The following SYNM variants were observed in gnomAD, a reference collection of about 807,000 sequenced individuals.
SYNM encodes desmuslin.
In SYNM, 95 loss-of-function variants were observed where a neutral mutation model predicts 104.0. The ratio of observed to expected loss-of-function variants is 0.91; its 90% CI spans 0.77 to 1.08. The LOEUF is 1.08. Ranked by LOEUF, SYNM falls within the 50% of genes least tolerant of loss-of-function variation. The pLI, the probability that SYNM is intolerant of heterozygous loss-of-function variation, is 0.00. For synonymous variants in SYNM, 918 were observed against 869.0 expected (o/e 1.06, Z -0.99); for missense variants, 2,150 against 2,052.2 (o/e 1.05, Z -0.92).
At position 99,132,418 on chromosome 15, in the gene SYNM, A is replaced by G. The variant is rs917706871; in HGVS notation, c.4058A>G (p.Gln1353Arg). Reference sequence around the variant, plus strand: ...GGAGAGGGCTCAGCAGATGTGCACCAGGCCACTCACAGTCATACCTCGGGT... The same window carrying G: ...GGAGAGGGCTCAGCAGATGTGCACCGGGCCACTCACAGTCATACCTCGGGT... ...VHGEGSADVH[Q>R]ATHSHTSGRQ... The change falls in exon 4 of 4, where the codon CAG becomes CGG. Residue 1353 changes from glutamine to arginine, a missense_variant. Physicochemically the swap from Gln to Arg is conservative, Grantham distance 43 (BLOSUM62 1). Coordinates refer to ENST00000336292, the MANE Select transcript of SYNM (RefSeq NM_145728.3). 1.5e-5 allele frequency: 24 copies of G among 1,614,032 alleles called. No individual in the cohort carries two copies. Among genetic ancestry groups the G allele is most frequent in the Non-Finnish European group, 2.0e-5 (24 of 1,179,888 alleles).
intron 1 of SYNM, among the ~76,000 whole-genome samples, chr15:99,107,322 A>G (rs1316265024): frequency 6.6e-6 from 1 of 152,214 alleles, no homozygotes; most frequent in Admixed American, 6.5e-5. Context: ...TGAGTTCCAC[A>G]GGTCCTATAC....
intron 3 of SYNM, chr15:99,128,703 C>T (rs2067469741): frequency 6.5e-6 from 1 of 153,036 alleles, no homozygotes; most frequent in African/African-American, 2.4e-5. Flanking sequence ...TGCAAACAGC[C>T]TGGAGCAAAG....
At position 99,113,672 on chromosome 15, in the gene SYNM, C is replaced by T. The variant is rs1047507935; in HGVS notation, c.892C>T (p.Leu298=). The T allele has an allele frequency of 3.7e-6, 6 of 1,613,446 alleles. No homozygotes were observed. In the African/African-American group the frequency reaches 6.7e-5, roughly 18 times the overall value. ...CTGGCTGCGGGACTATCAGGACCTCCTGCAGGTGAAGACCGGCCTCAGTCT... is the reference window on the plus strand; with the variant it reads ...CTGGCTGCGGGACTATCAGGACCTCTTGCAGGTGAAGACCGGCCTCAGTCT... ...ADWLRDYQDL[L]QVKTGLSLEV... Residue 298 remains leucine (L), a synonymous_variant, in exon 2 of 4, where the codon CTG becomes TTG. Coordinates refer to ENST00000336292, the MANE Select transcript of SYNM (RefSeq NM_145728.3).
chr15:99,130,676 G>C lies in SYNM; in HGVS notation c.2316G>C (p.Glu772Asp), dbSNP rs1208391591. ...EEFSVPFKVE[E>D]VEDVSPGPWG... ...TTTCCGTCCCATTCAAAGTGGAGGA[G>C]GTCGAAGATGTGTCGCCAGGCCCCT... Residue 772 changes from glutamate (E) to aspartate (D), a missense_variant, in exon 4 of 4, where the codon GAG becomes GAC. By Grantham distance (45) the Glu-to-Asp change is conservative. Coordinates refer to ENST00000336292, the MANE Select transcript of SYNM (RefSeq NM_145728.3). The C allele has an allele frequency of 1.2e-6, 2 of 1,613,914 alleles. No individual in the cohort carries two copies. Among genetic ancestry groups the C allele is most frequent in the Non-Finnish European group, 1.7e-6 (2 of 1,179,860 alleles).
chr15:99,107,757 A>G lies in SYNM; in HGVS notation c.810+1748A>G, dbSNP rs574359284. Reference sequence around the variant, plus strand: ...GAATCCTGTGCAGCCCTCCTTTGACACAGGGACTCCAGGGCCCACCGGGGA... The same window carrying G: ...GAATCCTGTGCAGCCCTCCTTTGACGCAGGGACTCCAGGGCCCACCGGGGA... On this transcript the variant is annotated intron_variant, in intron 1 of 3. Coordinates refer to ENST00000336292, the MANE Select transcript of SYNM (RefSeq NM_145728.3). Among the ~76,000 whole-genome samples the G allele has an allele frequency of 1.2e-4, 18 of 152,044 alleles. No homozygotes were observed. The East Asian group carries it at 2.7e-3, about 23-fold the overall frequency.
At position 99,131,085 on chromosome 15, in the gene SYNM, G is replaced by C. The variant is rs782655079; in HGVS notation, c.2725G>C (p.Glu909Gln). 4 of 1,604,404 alleles carry C rather than the reference G, an allele frequency of 2.5e-6. No individual in the cohort carries two copies. The highest frequency in any genetic ancestry group is 3.4e-6 in the Non-Finnish European group (4 of 1,175,298). ...GGACCTGGGTTCCACTCACTGGAAA[G>C]AACAAGCTAGAAGCGGTGAATTTCA... ...EGDLGSTHWK[E>Q]QARSGEFHAE... The change falls in exon 4 of 4, where the codon GAA (glutamate) becomes CAA (glutamine). Residue 909 changes from glutamate (E) to glutamine (Q), a missense_variant. Glu to Gln is a conservative substitution (Grantham distance 29). Coordinates refer to ENST00000336292, the MANE Select transcript of SYNM (RefSeq NM_145728.3). The surrounding 1 kb of genome is among the most constrained non-coding windows in gnomAD (Gnocchi z 4.3).
In SYNM at chr15:99,129,395, C is replaced by A. The variant is rs376683602; in HGVS notation, c.1035C>A (p.Thr345=). 1.2e-6 allele frequency: 2 copies of A among 1,613,810 alleles called. No homozygotes were observed. Among genetic ancestry groups the A allele is most frequent in the Non-Finnish European group, 1.7e-6 (2 of 1,179,862 alleles). The change falls in exon 4 of 4, where the codon ACC becomes ACA. Residue 345 remains threonine, a synonymous_variant. Transcript: ENST00000336292. ...SEFRNKSYHY[T]DSLLQRENER... ...TCAGAAACAAATCCTATCACTATAC[C>A]GACTCACTACTACAGAGGGAAAATG...
Position 99,130,584 on chromosome 15 carries a change from A to G in SYNM, c.2224A>G (p.Lys742Glu). 1 of 1,613,762 alleles carries G rather than the reference A, an allele frequency of 6.2e-7. No homozygotes were observed. The highest frequency in any genetic ancestry group is 1.1e-5 in the South Asian group (1 of 91,036). ...LGLKGREGRA[K>E]VVNVEIVEEP... ...CCTGAAAGGGAGGGAGGGGAGAGCAAAGGTCGTCAACGTGGAGATCGTGGA... is the reference window on the plus strand; with the variant it reads ...CCTGAAAGGGAGGGAGGGGAGAGCAGAGGTCGTCAACGTGGAGATCGTGGA... Residue 742 changes from lysine (K) to glutamate (E), a missense_variant, in exon 4 of 4, where the codon AAG becomes GAG. By Grantham distance (56) the Lys-to-Glu change is moderately conservative. Coordinates refer to ENST00000336292, the MANE Select transcript of SYNM (RefSeq NM_145728.3).
chr15:99,130,243 C>G lies in SYNM; in HGVS notation c.1883C>G (p.Ser628Cys), dbSNP rs376197280. ...TTGGGCACCAGTGATGCCACTGGTT[C>G]TCTGCAAGGCGATTCCATGACAGAA... ...FRLGTSDATGSLQGDSMTETV... is the reference protein window; with the variant it reads ...FRLGTSDATGCLQGDSMTETV... The change falls in exon 4 of 4, where the codon TCT becomes TGT. Residue 628 changes from serine to cysteine, a missense_variant. Transcript: ENST00000336292. The G allele has an allele frequency of 1.7e-5, 28 of 1,613,992 alleles. No homozygotes were observed. The African/African-American group carries it at 3.5e-4, about 20-fold the overall frequency.
At chr15:99,121,500 C>T (rs1260507083) in intron 2 of SYNM, among the ~76,000 whole-genome samples, 1 of 152,168 alleles carries the variant, frequency 6.6e-6, no homozygotes, top group African/African-American at 2.4e-5. Context: ...TCACTCGCTG[C>T]AGGCTAGCAC....
Position 99,131,347 on chromosome 15 carries a change from C to G in SYNM, c.2987C>G (p.Ser996Cys). The G allele has an allele frequency of 6.2e-7, 1 of 1,613,356 alleles. No homozygotes were observed. ...VKKVQGAGGS[S>C]VTLVAEVNVS... ...AAGGTCCAGGGTGCTGGTGGCAGTT[C>G]CGTGACCCTGGTTGCTGAAGTCAAC... Residue 996 changes from serine to cysteine, a missense_variant, in exon 4 of 4, where the codon TCC (serine) becomes TGC (cysteine). Coordinates refer to ENST00000336292, the MANE Select transcript of SYNM (RefSeq NM_145728.3). This position sits in a 1 kb window ranked among gnomAD's most constrained non-coding sequence, Gnocchi z 4.3.
rs1477318185 is a variant in SYNM, at chr15:99,134,874, G to C, written c.*1816G>C. On this transcript the variant is annotated 3_prime_UTR_variant, in exon 4 of 4. Transcript: ENST00000336292. ...CTGCCAAATGAACTAGTGATTGTCAGACTGGTATGGAGGTGACTGCTTTGT... is the reference window on the plus strand; with the variant it reads ...CTGCCAAATGAACTAGTGATTGTCACACTGGTATGGAGGTGACTGCTTTGT... 1 of 152,272 alleles carries C rather than the reference G, an allele frequency of 6.6e-6. No homozygotes were observed. 9.4% of individuals were successfully genotyped at this position (152,272 alleles called of 1,614,324 possible).
At chr15:99,123,572 T>C (rs1555484768) in intron 2 of SYNM, among the ~76,000 whole-genome samples, 1 of 152,232 alleles carries the variant, frequency 6.6e-6, no homozygotes, top group Non-Finnish European at 1.5e-5. Flanking sequence ...ACCCAGGCAG[T>C]GCGTCCACTC....
rs1555486103 is a variant in SYNM at position 99,132,336 on chromosome 15, T to C, written c.3976T>C (p.Tyr1326His). Residue 1326 changes from tyrosine to histidine, a missense_variant, in exon 4 of 4, where the codon TAC becomes CAC. Coordinates refer to ENST00000336292, the MANE Select transcript of SYNM (RefSeq NM_145728.3). ...GCATCAGACCACCCAGCAGATAGTT[T>C]ACCATGGGCTGGTTCCCCAACTGGG... ...QRHQTTQQIV[Y>H]HGLVPQLGES... The C allele has an allele frequency of 6.2e-7, 1 of 1,613,260 alleles. No homozygotes were observed.
At chr15:99,113,758 G>T (rs781907607) in intron 2 of SYNM, 43 bp downstream of exon 2, 4 of 1,607,690 alleles carry the variant, frequency 2.5e-6, no homozygotes, top group South Asian at 1.1e-5. Flanking sequence ...AGCCATGGGG[G>T]TGTAACTTGC....
In SYNM at chr15:99,130,133, G is replaced by T. The variant is rs1555485535; in HGVS notation, c.1773G>T (p.Val591=). 1 of 1,613,918 alleles carries T rather than the reference G, an allele frequency of 6.2e-7. No homozygotes were observed. Among genetic ancestry groups the T allele is most frequent in the Non-Finnish European group, 8.5e-7 (1 of 1,179,890 alleles). Residue 591 remains valine (V), a synonymous_variant, in exon 4 of 4, where the codon GTG becomes GTT. Transcript: ENST00000336292. ...LEVSQDRRAE[V]SPKGLQTPVK... is the part of the protein sequence containing the mutation. ...TATCCCAGGACAGAAGAGCAGAGGT[G>T]TCCCCGAAAGGTTTGCAGACGCCTG... is the stretch of plus-strand genomic sequence containing the variant.
At chr15:99,112,700 C>T (rs1328164417) in intron 1 of SYNM, among the ~76,000 whole-genome samples, 3 of 152,198 alleles carry the variant, frequency 2.0e-5, no homozygotes, top group East Asian at 3.9e-4. Context: ...GTTCATAAAG[C>T]AGTTTTATTT....
In SYNM at chr15:99,131,219, C is replaced by T. The variant is rs1264104925; in HGVS notation, c.2859C>T (p.Ile953=). 13 of 1,608,672 alleles carry T rather than the reference C, an allele frequency of 8.1e-6. No homozygotes were observed. The highest frequency in any genetic ancestry group is 2.2e-5 in the South Asian group (2 of 89,842). ...KEPRQQLVEV[I]GQLEETLPER... is the part of the protein sequence containing the mutation. ...CCCGGCAGCAGCTGGTGGAGGTCAT[C>T]GGGCAGCTGGAGGAAACCCTTCCCG... The change falls in exon 4 of 4, where the codon ATC becomes ATT. Residue 953 remains isoleucine (I), a synonymous_variant. Coordinates refer to ENST00000336292, the MANE Select transcript of SYNM (RefSeq NM_145728.3). This position sits in a 1 kb window ranked among gnomAD's most constrained non-coding sequence, Gnocchi z 4.3.
rs782084847 is a variant in SYNM at position 99,131,132 on chromosome 15, AAAAG to A, written c.2776_2779del (p.Glu926LeufsTer11). The A allele has an allele frequency of 2.3e-5, 37 of 1,599,080 alleles. No individual in the cohort carries two copies. Among genetic ancestry groups the A allele is most frequent in the Non-Finnish European group, 3.0e-5 (35 of 1,172,752 alleles). On this transcript the variant is annotated frameshift_variant, in exon 4 of 4. Transcript: ENST00000336292. LOFTEE classifies it high-confidence loss of function. This position sits in a 1 kb window ranked among gnomAD's most constrained non-coding sequence, Gnocchi z 4.3. Reference sequence around the variant, plus strand: ...TTCATGCCGAACCCACAGTCATTGAAAAAGAAATTAAAATACCCCACGAATTCCA... The same window carrying A: ...TTCATGCCGAACCCACAGTCATTGAAAAATTAAAATACCCCACGAATTCCA...
Sources: allele counts gnomAD v4.1 joint callset (sites outside exome capture counted in the v4.1 genomes callset), GRCh38; gene constraint gnomAD v4.1.1; non-coding constraint Gnocchi (gnomAD v3.1); transcripts MANE v1.5; gene names NCBI Gene and HGNC (gene_info 2026-07-23, HGNC 2026-07-21).